Variants in PRTG observed in about 807,000 individuals in gnomAD.
PRTG encodes immunoglobulin superfamily, DCC subclass, member 5.
PRTG carries 67 observed loss-of-function variants against 122.5 expected under a neutral mutation model. The observed-to-expected ratio is 0.55, with a 90% CI of 0.45 to 0.67. PRTG has a LOEUF of 0.67. PRTG is among the 30% of genes least tolerant of loss of function. PRTG has a pLI of 0.00. For missense variants in PRTG, 1,435 were observed against 1,415.4 expected (o/e 1.01, Z -0.22); for synonymous variants, 554 against 501.1 (o/e 1.11, Z -1.41).
At chr15:55,740,782 G>A in intron 1 of PRTG, 98 bp from the exon 2 acceptor site, 1 of 1,000,062 alleles carries the variant, frequency 1.0e-6, no homozygotes, top group Non-Finnish European at 1.4e-6. Flanking sequence ...GGTATGAGAT[G>A]ACGAAGTTTA....
At chr15:55,622,726 G>T (rs1466691410) in intron 18 of PRTG, among the ~76,000 whole-genome samples, 10 of 151,562 alleles carry the variant, frequency 6.6e-5, no homozygotes, top group Non-Finnish European at 1.5e-4. Flanking sequence ...AGTAGAGCTG[G>T]GGTTTCTCCA....
Position 55,614,029 on chromosome 15 carries a change from G to T in PRTG, c.*5983C>A, listed in dbSNP as rs1054950289. On this transcript the variant is annotated 3_prime_UTR_variant, in exon 20 of 20. Transcript: ENST00000389286. ...ATCATATTACTTCCTAGAGTCGGGAGAAGTTGTAAAATGACCAGCTTTCTT... is the reference window on the plus strand; with the variant it reads ...ATCATATTACTTCCTAGAGTCGGGATAAGTTGTAAAATGACCAGCTTTCTT... 6.6e-6 allele frequency: 1 copy of T among 152,070 alleles called. No individual in the cohort carries two copies. The highest frequency in any genetic ancestry group is 1.5e-5 in the Non-Finnish European group (1 of 67,962). The allele number at this position is 152,070 out of a possible 1,614,324, so 9.4% of individuals were successfully genotyped here.
intron 2 of PRTG, among the ~76,000 whole-genome samples, chr15:55,720,237 G>A (rs1194857459): frequency 2.6e-5 from 4 of 151,710 alleles, no homozygotes; most frequent in East Asian, 1.9e-4. Flanking sequence ...AGATTTAGCC[G>A]GGCTACTTGG....
intron 13 of PRTG, among the ~76,000 whole-genome samples, chr15:55,639,315 T>C (rs2059276322): frequency 6.6e-6 from 1 of 152,204 alleles, no homozygotes; most frequent in Non-Finnish European, 1.5e-5. Context: ...GCCCTACTTT[T>C]TGACTGCCAG....
intron 2 of PRTG, among the ~76,000 whole-genome samples, chr15:55,727,957 C>A (rs149524464): frequency 4.7e-3 from 712 of 152,152 alleles, no homozygotes; most frequent in African/African-American, 0.016. Context: ...TTCCGCCTCC[C>A]AGGTTCAAGC....
At chr15:55,690,678 C>T (rs1338043569) in intron 2 of PRTG, among the ~76,000 whole-genome samples, 1 of 152,134 alleles carries the variant, frequency 6.6e-6, no homozygotes, top group Non-Finnish European at 1.5e-5. Context: ...ATCTGAAACA[C>T]TTCTCGTTCC....
rs1407141075 is a variant in PRTG, at chr15:55,612,491, C to T, written c.*7521G>A. 1 of 151,728 alleles carries T rather than the reference C, an allele frequency of 6.6e-6. No individual in the cohort carries two copies. The highest frequency in any genetic ancestry group is 1.5e-5 in the Non-Finnish European group (1 of 67,854). 9.4% of individuals were successfully genotyped at this position (151,728 alleles called of 1,614,324 possible). Reference sequence around the variant, plus strand: ...ATATAATTCTTCCCAACAAACCCTACATATGAACTCGAATAAACCAGAATC... The same window carrying T: ...ATATAATTCTTCCCAACAAACCCTATATATGAACTCGAATAAACCAGAATC... On this transcript the variant is annotated 3_prime_UTR_variant, in exon 20 of 20. Transcript: ENST00000389286.
At chr15:55,729,518 G>C (rs891939747) in intron 2 of PRTG, among the ~76,000 whole-genome samples, 8 of 151,930 alleles carry the variant, frequency 5.3e-5, no homozygotes, top group Non-Finnish European at 1.2e-4. Context: ...TATAATCCCA[G>C]CTACTCAGCA....
intron 2 of PRTG, among the ~76,000 whole-genome samples, chr15:55,707,677 T>C (rs1309769988): frequency 6.6e-6 from 1 of 152,192 alleles, no homozygotes; most frequent in Admixed American, 6.5e-5. Context: ...TTGCAGCTCA[T>C]ATTTCATCGG....
intron 2 of PRTG, among the ~76,000 whole-genome samples, chr15:55,702,665 T>G (rs369538206): frequency 6.6e-6 from 1 of 152,212 alleles, no homozygotes; most frequent in Non-Finnish European, 1.5e-5. Context: ...TTCTAACTAT[T>G]AGAGGAACAG....
intron 2 of PRTG, among the ~76,000 whole-genome samples, chr15:55,717,629 C>T (rs1364818963): frequency 6.6e-6 from 1 of 152,184 alleles, no homozygotes; most frequent in African/African-American, 2.4e-5. Context: ...TAGTGGGACA[C>T]AATACATTTG....
rs1231421999 is a variant in PRTG at position 55,617,264 on chromosome 15, T to C, written c.*2748A>G. On this transcript the variant is annotated 3_prime_UTR_variant, in exon 20 of 20. Transcript: ENST00000389286. ...TCTCTCCAACAAGTAGTTTCAACAA[T>C]ATAAAAATACTTTAATACTGTATAG... The C allele has an allele frequency of 6.6e-6, 1 of 152,018 alleles. No individual in the cohort carries two copies. The highest frequency in any genetic ancestry group is 1.5e-5 in the Non-Finnish European group (1 of 67,932). 9.4% of individuals were successfully genotyped at this position (152,018 alleles called of 1,614,324 possible). A position where few individuals can be genotyped will look rare whatever the true frequency, so the allele number is the denominator to read the frequency against.
intron 11 of PRTG, among the ~76,000 whole-genome samples, chr15:55,658,732 ATAT>A (rs1233438885): frequency 3.3e-5 from 5 of 152,172 alleles, no homozygotes; most frequent in Non-Finnish European, 7.3e-5. Flanking sequence ...GAAAAGTTGT[ATAT>A]TAATTTACAT....
intron 17 of PRTG, among the ~76,000 whole-genome samples, chr15:55,625,955 G>C (rs538426065): frequency 1.3e-5 from 2 of 152,098 alleles, no homozygotes; most frequent in East Asian, 1.9e-4. Flanking sequence ...ATCTCACTAT[G>C]TTGCTTAGGC....
chr15:55,742,435 G>C (rs541417900), intron 1 of PRTG: 1 of 181,994 alleles, frequency 5.5e-6, no homozygotes, highest in South Asian at 1.8e-4. Flanking sequence ...TATAAATAAA[G>C]CCACGTGCAG....
intron 2 of PRTG, among the ~76,000 whole-genome samples, chr15:55,690,075 C>T (rs897442257): frequency 3.9e-5 from 6 of 152,168 alleles, no homozygotes; most frequent in East Asian, 1.9e-4. Context: ...ATAACTGACA[C>T]GAAGGAGTTA....
intron 6 of PRTG, 106 bp from the exon 7 acceptor site, chr15:55,679,551 C>T (rs2059525197): frequency 1.3e-6 from 1 of 792,980 alleles, no homozygotes; most frequent in Non-Finnish European, 2.0e-6. Context: ...CCTGAAGATG[C>T]CTGACATGCT....
chr15:55,680,221 A>G lies in PRTG; in HGVS notation c.815-9T>C. ...ATCAATGGATTTGTGATCTATTTCA[A>G]AGAGAATACTTCAGTTTAAACAATG... On this transcript the variant is annotated splice_polypyrimidine_tract_variant and intron_variant, in intron 5 of 19. Coordinates refer to ENST00000389286, the MANE Select transcript of PRTG (RefSeq NM_173814.6). 6.3e-7 allele frequency: 1 copy of G among 1,599,018 alleles called. No individual in the cohort carries two copies.
intron 2 of PRTG, among the ~76,000 whole-genome samples, chr15:55,709,499 A>G (rs1417087969): frequency 6.6e-6 from 1 of 151,762 alleles, no homozygotes; most frequent in African/African-American, 2.4e-5. Context: ...ATATATATTT[A>G]TTATCCAAAC....
Sources: gnomAD v4.1 joint callset for allele counts (sites outside exome capture counted in the v4.1 genomes callset) on GRCh38, gnomAD v4.1.1 for gene constraint, MANE v1.5 for transcripts, NCBI Gene and HGNC (gene_info 2026-07-23, HGNC 2026-07-21) for gene names.